The following CDX2 variants were observed in gnomAD, a reference collection of about 807,000 sequenced individuals.
The protein encoded by CDX2 is homeobox protein CDX-2.
In CDX2, 7 loss-of-function variants were observed where a neutral mutation model predicts 25.5. The observed-to-expected ratio is 0.27, with a 90% confidence interval of 0.16 to 0.52. CDX2 has a LOEUF of 0.52. CDX2 is among the 20% of genes least tolerant of loss of function. The probability of loss-of-function intolerance (pLI) is 0.97; values close to 1 mark genes in which losing one functional copy is unlikely to be tolerated. For synonymous variants in CDX2, 222 were observed against 198.6 expected, an observed-to-expected ratio of 1.12 and a Z score of -0.99; for missense variants, 375 against 431.4, an observed-to-expected ratio of 0.87 and a Z score of 1.16.
Position 27,968,995 on chromosome 13 carries a change from G to A in CDX2, c.12C>T (p.Ser4=). The A allele has an allele frequency of 6.3e-7, 1 of 1,598,106 alleles. No individual in the cohort carries two copies. Among genetic ancestry groups the A allele is most frequent in the South Asian group, 1.1e-5 (1 of 90,814 alleles). Residue 4 remains serine, a synonymous_variant, in exon 1 of 3, where the codon AGC becomes AGT. Coordinates refer to ENST00000381020, the MANE Select transcript of CDX2 (RefSeq NM_001265.6). ...TGCTCACGTCCTTGTCCAGGAGGTA[G>A]CTCACGTACATGGTGGCGAGGGTCC... MYV[S]YLLDKDVSMY...
At chr13:27,963,757 C>T (rs948657130) in intron 2 of CDX2, among the ~76,000 whole-genome samples, 5 of 152,176 alleles carry the variant, frequency 3.3e-5, no homozygotes, top group East Asian at 3.8e-4. Context: ...TAAACTAAAA[C>T]GTAATTTTCC....
At position 27,961,512 on chromosome 13, in the gene CDX2, T is replaced by C. The variant is rs955326177; in HGVS notation, c.*1603A>G. 6.6e-6 allele frequency among the ~76,000 whole-genome samples: 1 copy of C among 152,098 alleles called. No homozygotes were observed. Among genetic ancestry groups the C allele is most frequent in the African/African-American group, 2.4e-5 (1 of 41,418 alleles). On this transcript the variant is annotated 3_prime_UTR_variant, in exon 3 of 3. Transcript: ENST00000381020. ...GAAACTGTCACTAAAAGGATCATTT[T>C]ATACTGGGTCTAGAAATCTTGTTTG...
At chr13:27,963,546 A>G (rs1018242028) in intron 2 of CDX2, among the ~76,000 whole-genome samples, 177 bp from the exon 3 acceptor site, 6 of 152,176 alleles carry the variant, frequency 3.9e-5, no homozygotes, top group African/African-American at 7.2e-5. Flanking sequence ...CTTAGGCCCA[A>G]TTCAGCCTCA....
At chr13:27,965,587 A>G (rs1170392010) in intron 1 of CDX2, among the ~76,000 whole-genome samples, 1 of 152,208 alleles carries the variant, frequency 6.6e-6, no homozygotes, top group African/African-American at 2.4e-5. Flanking sequence ...GCTCTGGCCG[A>G]GGGAACAGGC....
At position 27,964,948 on chromosome 13, in the gene CDX2, C is replaced by G. The variant is rs753689670; in HGVS notation, c.609G>C (p.Lys203Asn). 2.5e-6 allele frequency: 4 copies of G among 1,614,042 alleles called. No individual in the cohort carries two copies. The African/African-American group carries it at 5.3e-5, about 22-fold the overall frequency. ...YTDHQRLELE[K>N]EFHYSRYITI... ...TGATGTAGCGACTGTAGTGAAACTC[C>G]TTCTCCAGCTCCAGCCGCTGGTGGT... The change falls in exon 2 of 3, where the codon AAG (lysine) becomes AAC (asparagine). Residue 203 changes from lysine to asparagine, a missense_variant. Physicochemically the swap from Lys to Asn is moderately conservative, Grantham distance 94 (BLOSUM62 0). Coordinates refer to ENST00000381020, the MANE Select transcript of CDX2 (RefSeq NM_001265.6). This position sits in a 1 kb window ranked among gnomAD's most constrained non-coding sequence, Gnocchi z 4.7.
Position 27,968,479 on chromosome 13 carries a change from G to C in CDX2, c.528C>G (p.Ser176=), listed in dbSNP as rs1324771069. ...GCCTCTGCTTACCTTGGCTGCCGAG[G>C]GACTGCTGCGCCGGCTTCCGCATCC... ...CEWMRKPAQQ[S]LGSQVKTRTK... is the part of the protein sequence containing the mutation. Residue 176 remains serine, a synonymous_variant, in exon 1 of 3, where the codon TCC becomes TCG. Coordinates refer to ENST00000381020, the MANE Select transcript of CDX2 (RefSeq NM_001265.6). 3 of 1,556,498 alleles carry C rather than the reference G, an allele frequency of 1.9e-6. No homozygotes were observed. Among genetic ancestry groups the C allele is most frequent in the Non-Finnish European group, 1.7e-6 (2 of 1,163,686 alleles).
Position 27,968,842 on chromosome 13 carries a change from C to A in CDX2, c.165G>T (p.Leu55Phe). 1 of 1,584,230 alleles carries A rather than the reference C, an allele frequency of 6.3e-7. No individual in the cohort carries two copies. The highest frequency in any genetic ancestry group is 1.1e-5 in the South Asian group (1 of 87,652). Reference protein sequence around the residue: ...VAAAAAAAANLDSAQSPGPSW... With the variant: ...VAAAAAAAANFDSAQSPGPSW... ...ATGGCCCCGGGGACTGCGCGCTGTC[C>A]AAGTTCGCTGCCGCTGCAGCTGCGG... The change falls in exon 1 of 3, where the codon TTG becomes TTT. Residue 55 changes from leucine to phenylalanine, a missense_variant. This residue lies in a region of CDX2 where 253 missense variants were observed against 247.5 expected (regional missense o/e 1.02). Transcript: ENST00000381020.
At position 27,968,658 on chromosome 13, in the gene CDX2, G is replaced by C. The variant is rs1359855388; in HGVS notation, c.349C>G (p.His117Asp). The change falls in exon 1 of 3, where the codon CAC (histidine) becomes GAC (aspartate). Residue 117 changes from histidine (H) to aspartate (D), a missense_variant. Physicochemically the swap from His to Asp is moderately conservative, Grantham distance 81. Transcript: ENST00000381020. ...YSSPADYHPH[H>D]HPHHHPHHPA... is the part of the protein sequence containing the mutation. ...TGGTGCGGGTGGTGATGCGGGTGGT[G>C]GTGCGGATGGTAGTCTGCGGGGCTG... 1 of 1,533,626 alleles carries C rather than the reference G, an allele frequency of 6.5e-7. No homozygotes were observed. The highest frequency in any genetic ancestry group is 2.0e-5 in the Admixed American group (1 of 50,562).
In CDX2 at chr13:27,961,221, GC is replaced by G. The variant is rs1346661665; in HGVS notation, c.*1893del. Among the ~76,000 whole-genome samples, 4 of 152,248 alleles carry G rather than the reference GC, an allele frequency of 2.6e-5. No homozygotes were observed. The highest frequency in any genetic ancestry group is 9.6e-5 in the African/African-American group (4 of 41,470). Reference sequence around the variant, plus strand: ...CTTTCCCAATCCTGGAGCTGTATACGCCACCCGGAAGGGCCGCGGAATTGGA... The same window carrying G: ...CTTTCCCAATCCTGGAGCTGTATACGCACCCGGAAGGGCCGCGGAATTGGA... On this transcript the variant is annotated 3_prime_UTR_variant, in exon 3 of 3. Coordinates refer to ENST00000381020, the MANE Select transcript of CDX2 (RefSeq NM_001265.6).
rs1391157906 is a variant in CDX2 at position 27,963,244 on chromosome 13, C to G, written c.813G>C (p.Gln271His). The change falls in exon 3 of 3, where the codon CAG becomes CAC. Residue 271 changes from glutamine (Q) to histidine (H), a missense_variant. Gln to His is a conservative substitution (Grantham distance 24). Transcript: ENST00000381020. ...CTGGGACACTTCTCAGAGGACCTGG[C>G]TGAGGCTGGGGAGGCTGTGGTGGCG... ...PPPPPQPPQP[Q>H]PGPLRSVPEP... is the part of the protein sequence containing the mutation. The G allele has an allele frequency of 6.2e-7, 1 of 1,614,184 alleles. No homozygotes were observed. Among genetic ancestry groups the G allele is most frequent in the East Asian group, 2.2e-5 (1 of 44,884 alleles).
chr13:27,961,367 C>G lies in CDX2; in HGVS notation c.*1748G>C, dbSNP rs1869037632. Among the ~76,000 whole-genome samples the G allele has an allele frequency of 6.6e-6, 1 of 152,246 alleles. No homozygotes were observed. Among genetic ancestry groups the G allele is most frequent in the South Asian group, 2.1e-4 (1 of 4,832 alleles). On this transcript the variant is annotated 3_prime_UTR_variant, in exon 3 of 3. Coordinates refer to ENST00000381020, the MANE Select transcript of CDX2 (RefSeq NM_001265.6). ...GGCTCTCGGATGTTGGTGGGAAGAT[C>G]GAAACGAAGGGCTAAGCCCCCCTCG...
chr13:27,969,261 G>A lies in CDX2; in HGVS notation c.-255C>T, dbSNP rs931992772. On this transcript the variant is annotated 5_prime_UTR_variant, in exon 1 of 3. Transcript: ENST00000381020. ...CTTCCCACTAGGCTGCAGAGGCGGG[G>A]AAGACCCGCCACAGGCTGGCGTGCG... The A allele has an allele frequency of 1.8e-5, 9 of 512,198 alleles. No homozygotes were observed. Among genetic ancestry groups the A allele is most frequent in the South Asian group, 1.2e-4 (5 of 40,356 alleles). The allele number at this position is 512,198 out of a possible 1,614,324, so 31.7% of individuals were successfully genotyped here.
At chr13:27,965,618 G>A (rs1276032183) in intron 1 of CDX2, among the ~76,000 whole-genome samples, 1 of 152,204 alleles carries the variant, frequency 6.6e-6, no homozygotes, top group Non-Finnish European at 1.5e-5. Context: ...TCCTGCTGGG[G>A]ACACTTTATA....
rs369885345 is a variant in CDX2 at position 27,963,146 on chromosome 13, C to G, written c.911G>C (p.Gly304Ala). Residue 304 changes from glycine to alanine, a missense_variant, in exon 3 of 3, where the codon GGG (glycine) becomes GCG (alanine). By Grantham distance (60) the Gly-to-Ala change is moderately conservative. Around this residue, in one of 3 missense-constraint regions of CDX2, gnomAD observed 58 missense variants for 59.4 expected, o/e 0.98. Transcript: ENST00000381020. ...GSVPGVLGPT[G>A]GVLNPTVTQ ...GGTGACGGTGGGGTTTAGCACCCCCCCAGTTGGCCCCAGAACCCCAGGGAC... is the reference window on the plus strand; with the variant it reads ...GGTGACGGTGGGGTTTAGCACCCCCGCAGTTGGCCCCAGAACCCCAGGGAC... The G allele has an allele frequency of 3.7e-6, 6 of 1,613,890 alleles. No individual in the cohort carries two copies. Among genetic ancestry groups the G allele is most frequent in the East Asian group, 2.2e-5 (1 of 44,878 alleles).
At position 27,961,463 on chromosome 13, in the gene CDX2, C is replaced by G. The variant is rs1194748815; in HGVS notation, c.*1652G>C. 3.3e-5 allele frequency among the ~76,000 whole-genome samples: 5 copies of G among 152,264 alleles called. No homozygotes were observed. The East Asian group carries it at 9.7e-4, about 29-fold the overall frequency. On this transcript the variant is annotated 3_prime_UTR_variant, in exon 3 of 3. Coordinates refer to ENST00000381020, the MANE Select transcript of CDX2 (RefSeq NM_001265.6). ...AAATTTTAAAGGCTGCAGCCCGGTC[C>G]CCAGTGGATCGGCCAGATAACAAGA...
intron 1 of CDX2, among the ~76,000 whole-genome samples, chr13:27,968,052 T>C (rs1406594855): frequency 6.6e-6 from 1 of 152,186 alleles, no homozygotes; most frequent in Non-Finnish European, 1.5e-5. Flanking sequence ...GGCCTAGACC[T>C]AGCCCAAGAA....
In CDX2 at chr13:27,964,753, G is replaced by T; in HGVS notation, c.687+117C>A. 1 of 755,154 alleles carries T rather than the reference G, an allele frequency of 1.3e-6. No individual in the cohort carries two copies. The highest frequency in any genetic ancestry group is 2.1e-6 in the Non-Finnish European group (1 of 468,748). 46.8% of individuals were successfully genotyped at this position (755,154 alleles called of 1,614,324 possible). A position where few individuals can be genotyped will look rare whatever the true frequency, so the allele number is the denominator to read the frequency against. On this transcript the variant is annotated intron_variant, in intron 2 of 2. Transcript: ENST00000381020. The surrounding 1 kb of genome is among the most constrained non-coding windows in gnomAD (Gnocchi z 4.7). ...AAAAGGACTCCAAAGACGAATGCTTGCATCCTCCTGCTTCAGTCTCTCCAC... is the reference window on the plus strand; with the variant it reads ...AAAAGGACTCCAAAGACGAATGCTTTCATCCTCCTGCTTCAGTCTCTCCAC...
At position 27,968,834 on chromosome 13, in the gene CDX2, G is replaced by C; in HGVS notation, c.173C>G (p.Ala58Gly). 1 of 1,575,944 alleles carries C rather than the reference G, an allele frequency of 6.3e-7. No individual in the cohort carries two copies. The highest frequency in any genetic ancestry group is 1.3e-5 in the African/African-American group (1 of 74,314). The change falls in exon 1 of 3, where the codon GCG becomes GGG. Residue 58 changes from alanine (A) to glycine (G), a missense_variant. Transcript: ENST00000381020. ...CGGCCAGGATGGCCCCGGGGACTGC[G>C]CGCTGTCCAAGTTCGCTGCCGCTGC... is the stretch of plus-strand genomic sequence containing the variant. ...AAAAAANLDS[A>G]QSPGPSWPAA...
In CDX2 at chr13:27,961,047, GCCCTGACCCAGGAC is replaced by G. The variant is rs1011030964; in HGVS notation, c.*2054_*2067del. On this transcript the variant is annotated 3_prime_UTR_variant, in exon 3 of 3. Coordinates refer to ENST00000381020, the MANE Select transcript of CDX2 (RefSeq NM_001265.6). ...CTGCGGGGCACCGGGGCTCAGACCG[GCCCTGACCCAGGAC>G]CCCTGACCCAGGACCCCTCGCCCAG... 5.3e-5 allele frequency among the ~76,000 whole-genome samples: 8 copies of G among 152,114 alleles called. No individual in the cohort carries two copies. The highest frequency in any genetic ancestry group is 4.1e-4 in the South Asian group (2 of 4,828).
Sources: gnomAD v4.1 joint callset for allele counts (sites outside exome capture counted in the v4.1 genomes callset) on GRCh38, gnomAD v4.1.1 for gene constraint, gnomAD v4.1.1 regional missense constraint, Gnocchi (gnomAD v3.1) non-coding constraint, MANE v1.5 for transcripts, NCBI Gene and HGNC (gene_info 2026-07-23, HGNC 2026-07-21) for gene names.